Variants in IL7 observed in about 807,000 individuals in gnomAD.
IL7 encodes the protein interleukin-7.
In IL7, 3 loss-of-function variants were observed where a neutral mutation model predicts 21.6. The ratio of observed to expected loss-of-function variants is 0.14; its 90% CI spans 0.06 to 0.36. IL7 has a LOEUF of 0.36. Among genes scored for constraint, IL7 ranks in the 10% least tolerant of loss-of-function variants. The pLI, the probability that IL7 is intolerant of heterozygous loss-of-function variation, is 1.00. For synonymous variants in IL7, 62 were observed against 68.1 expected (o/e 0.91, Z 0.44); for missense variants, 175 against 200.2 (o/e 0.87, Z 0.76).
At chr8:78,760,926 G>A (rs1812533046) in intron 2 of IL7, 1 of 1,557,912 alleles carries the variant, frequency 6.4e-7, no homozygotes, top group Admixed American at 2.0e-5. Context: ...GTTTGCCCCT[G>A]GAGGTTTTTC....
At chr8:78,680,163 A>G (rs1281075499) in intron 4 of IL7, among the ~76,000 whole-genome samples, 2 of 152,122 alleles carry the variant, frequency 1.3e-5, no homozygotes, top group African/African-American at 2.4e-5. Context: ...GGTGATTTCA[A>G]TGAATATTAG....
chr8:78,692,373 C>A (rs886492169), intron 3 of IL7, among the ~76,000 whole-genome samples: 1 of 152,012 alleles, frequency 6.6e-6, no homozygotes, highest in African/African-American at 2.4e-5. Context: ...TTTTTTAATC[C>A]TTAACTACTA....
In IL7 at chr8:78,783,015, ACCAC is replaced by A. The variant is rs1813391454; in HGVS notation, c.147+15053_147+15056del. On this transcript the variant is annotated intron_variant, in intron 2 of 5. Transcript: ENST00000263851. ...TGTGGAGAATTCCTCCTGGATCTGA[ACCAC>A]CCAATATCTCTGGCACCAGCAGGGG... is the stretch of plus-strand genomic sequence containing the variant. Among the ~76,000 whole-genome samples the A allele has an allele frequency of 4.7e-5, 7 of 148,092 alleles. No homozygotes were observed. In the South Asian group the frequency reaches 1.5e-3, roughly 31 times the overall value.
chr8:78,738,699 C>G, intron 3 of IL7, 64 bp from the exon 4 acceptor site: 1 of 1,495,556 alleles, frequency 6.7e-7, no homozygotes, highest in Non-Finnish European at 9.1e-7. Context: ...TATAAGCTTT[C>G]TTAAGGAGCC....
intron 1 of IL7, among the ~76,000 whole-genome samples, chr8:78,803,568 A>G (rs1209269760): frequency 6.6e-6 from 1 of 152,220 alleles, no homozygotes; most frequent in Non-Finnish European, 1.5e-5. Context: ...CTTATAGCCC[A>G]TGATTCATAT....
intron 3 of IL7, among the ~76,000 whole-genome samples, chr8:78,710,902 A>T (rs979425203): frequency 6.6e-6 from 1 of 152,132 alleles, no homozygotes; most frequent in African/African-American, 2.4e-5. Flanking sequence ...CTACTGAAAG[A>T]AGACAAAAAT....
intron 4 of IL7, among the ~76,000 whole-genome samples, chr8:78,680,868 A>G (rs947232596): frequency 2.0e-5 from 3 of 152,184 alleles, no homozygotes; most frequent in Non-Finnish European, 4.4e-5. Flanking sequence ...TGTTTAGTAT[A>G]GGCAAGACAG....
At chr8:78,757,306 A>C (rs970891722) in intron 2 of IL7, among the ~76,000 whole-genome samples, 1 of 151,996 alleles carries the variant, frequency 6.6e-6, no homozygotes, top group African/African-American at 2.4e-5. Flanking sequence ...GTGGACTAGC[A>C]TATGGTTTAT....
At chr8:78,716,104 T>C (rs1016486275), downstream of IL7, among the ~76,000 whole-genome samples, 11 of 150,602 alleles carry the variant, frequency 7.3e-5, no homozygotes. Context: ...CCTTTATTAC[T>C]GTTTTTTTTT....
intron 3 of IL7, among the ~76,000 whole-genome samples, chr8:78,706,895 C>A (rs1163630198): frequency 6.6e-6 from 1 of 151,774 alleles, no homozygotes; most frequent in African/African-American, 2.4e-5. Context: ...AAAAATCAAC[C>A]AACAATATCT....
At chr8:78,774,251 C>T (rs564905009) in intron 2 of IL7, among the ~76,000 whole-genome samples, 3 of 152,148 alleles carry the variant, frequency 2.0e-5, no homozygotes, top group African/African-American at 7.2e-5. Flanking sequence ...AGCCTTGCCT[C>T]TTCTTCATCT....
intron 3 of IL7, among the ~76,000 whole-genome samples, chr8:78,724,366 A>G (rs1458666040): frequency 6.6e-6 from 1 of 152,046 alleles, no homozygotes; most frequent in East Asian, 1.9e-4. Flanking sequence ...ATATCTACAT[A>G]TGTATGAAAT....
intron 3 of IL7, among the ~76,000 whole-genome samples, chr8:78,693,443 A>G (rs963818038): frequency 1.1e-4 from 16 of 152,132 alleles, no homozygotes; most frequent in Non-Finnish European, 1.6e-4. Flanking sequence ...GTGAGATGGT[A>G]TCTCATTGTG....
At chr8:78,705,447 C>T (rs1021145228) in intron 3 of IL7, among the ~76,000 whole-genome samples, 1 of 152,162 alleles carries the variant, frequency 6.6e-6, no homozygotes, top group African/African-American at 2.4e-5. Context: ...CCTGCCCCTC[C>T]TCCTGGGAGC....
rs893387222 is a variant in IL7 at position 78,733,610 on chromosome 8, A to G, written c.*103T>C. 1.6e-6 allele frequency: 2 copies of G among 1,222,538 alleles called. No individual in the cohort carries two copies. Among genetic ancestry groups the G allele is most frequent in the East Asian group, 2.6e-5 (1 of 38,282 alleles). The allele number at this position is 1,222,538 out of a possible 1,614,324, so 75.7% of individuals were successfully genotyped here. A position where few individuals can be genotyped will look rare whatever the true frequency, so the allele number is the denominator to read the frequency against. On this transcript the variant is annotated 3_prime_UTR_variant, in exon 6 of 6. Transcript: ENST00000263851. The stretch of plus-strand genomic sequence containing the variant: ...AATCCGTTTTGACCATGGTGCATTC[A>G]GTAACTTCTAGGAAGCATTCCACTC...
At position 78,798,157 on chromosome 8, in the gene IL7, G is replaced by C. The variant is rs1385890837; in HGVS notation, c.62C>G (p.Pro21Arg). The change falls in exon 2 of 6, where the codon CCA becomes CGA. Residue 21 changes from proline (P) to arginine (R), a missense_variant. Physicochemically the swap from Pro to Arg is moderately radical, Grantham distance 103 (BLOSUM62 -2). Transcript: ENST00000263851. ...AATATCACAATCAGATGATGCTACT[G>C]GCAACAGAACAAGGATCAGGGGAGG... is the stretch of plus-strand genomic sequence containing the variant. ...GLPPLILVLL[P>R]VASSDCDIEG... 1 of 1,611,130 alleles carries C rather than the reference G, an allele frequency of 6.2e-7. No individual in the cohort carries two copies.
At chr8:78,754,577 GC>G (rs1812286460) in intron 2 of IL7, among the ~76,000 whole-genome samples, 1 of 152,126 alleles carries the variant, frequency 6.6e-6, no homozygotes, top group South Asian at 2.1e-4. Flanking sequence ...AGCCCGTATA[GC>G]CAAGACAATC....
intron 2 of IL7, among the ~76,000 whole-genome samples, chr8:78,771,905 GC>G (rs1452033962): frequency 6.6e-6 from 1 of 152,098 alleles, no homozygotes; most frequent in African/African-American, 2.4e-5. Context: ...CATTGGAACA[GC>G]TTTAGTCCTC....
rs201412253 is a variant in IL7, at chr8:78,798,167, C to T, written c.52G>A (p.Val18Ile). The change falls in exon 2 of 6, where the codon GTT becomes ATT. Residue 18 changes from valine (V) to isoleucine (I), a missense_variant. Val to Ile is a conservative substitution (Grantham distance 29, BLOSUM62 3). Transcript: ENST00000263851. ...YIFGLPPLIL[V>I]LLPVASSDCD... ...TCAGATGATGCTACTGGCAACAGAA[C>T]AAGGATCAGGGGAGGAAGTCCAAAG... The T allele has an allele frequency of 2.1e-3, 3,353 of 1,611,652 alleles. 97 individuals carry two copies. In the South Asian group the frequency reaches 0.033, roughly 16 times the overall value.
Sources: allele counts gnomAD v4.1 joint callset (sites outside exome capture counted in the v4.1 genomes callset), GRCh38; gene constraint gnomAD v4.1.1; transcripts MANE v1.5; gene names NCBI Gene and HGNC (gene_info 2026-07-23, HGNC 2026-07-21).